The following RBFOX1 variants were observed in gnomAD, a reference collection of about 807,000 sequenced individuals.
The protein encoded by RBFOX1 is RNA binding fox-1 homolog 1, also known as RNA binding protein fox-1 homolog 1.
In RBFOX1, 8 loss-of-function variants were observed where a neutral mutation model predicts 57.7. The observed-to-expected ratio is 0.14, with a 90% CI of 0.08 to 0.25. The LOEUF is 0.25. Among genes scored for constraint, RBFOX1 ranks in the 10% least tolerant of loss-of-function variants. The probability of loss-of-function intolerance (pLI) is 1.00; values close to 1 mark genes in which losing one functional copy is unlikely to be tolerated. For missense variants in RBFOX1, 611 were observed against 548.5 expected (o/e 1.11, Z -1.14); for synonymous variants, 326 against 222.4 (o/e 1.47, Z -4.15).
intron 10 of RBFOX1, among the ~76,000 whole-genome samples, chr16:7,622,941 C>T (rs7198911): frequency 0.25 from 38,639 of 151,890 alleles, 6,515 homozygotes; most frequent in African/African-American, 0.48. Context: ...GCTAGTCTTG[C>T]GTTCAAAAAT....
intron 1 of RBFOX1, among the ~76,000 whole-genome samples, chr16:6,286,848 C>T (rs543863292): frequency 6.6e-6 from 1 of 152,162 alleles, no homozygotes; most frequent in African/African-American, 2.4e-5. Flanking sequence ...TATTCCTTCT[C>T]TATCTCCCTG....
chr16:6,287,006 G>C (rs141367748), intron 1 of RBFOX1, among the ~76,000 whole-genome samples: 7 of 152,074 alleles, frequency 4.6e-5, no homozygotes, highest in African/African-American at 1.7e-4. Flanking sequence ...TTTTAGGTGA[G>C]TCTGAAACTC....
intron 3 of RBFOX1, among the ~76,000 whole-genome samples, chr16:5,705,870 A>G (rs1327577486): frequency 6.6e-6 from 1 of 152,190 alleles, no homozygotes; most frequent in African/African-American, 2.4e-5. Context: ...TAGGTGCCTG[A>G]TAGATGTTTC....
intron 4 of RBFOX1, among the ~76,000 whole-genome samples, chr16:7,377,010 T>A (rs1386946790): frequency 6.6e-6 from 1 of 152,202 alleles, no homozygotes; most frequent in East Asian, 1.9e-4. Flanking sequence ...AAGCAGTGAT[T>A]TCCATAGGTC....
chr16:5,328,832 G>A (rs1009479012), intron 1 of RBFOX1, among the ~76,000 whole-genome samples: 23 of 152,210 alleles, frequency 1.5e-4, no homozygotes, highest in African/African-American at 5.1e-4. Context: ...TTCACAAAGA[G>A]AAGGGAGAAC....
intron 4 of RBFOX1, among the ~76,000 whole-genome samples, chr16:7,219,048 C>A (rs79531923): frequency 1.3e-5 from 2 of 152,122 alleles, no homozygotes. Context: ...AGACAAAGCA[C>A]GCCTTTGTAA....
chr16:6,184,533 A>C (rs1485623284), intron 1 of RBFOX1, among the ~76,000 whole-genome samples: 3 of 151,936 alleles, frequency 2.0e-5, no homozygotes, highest in Non-Finnish European at 2.9e-5. Flanking sequence ...AAAGAGAGAG[A>C]GGGGTCAGTG....
intron 3 of RBFOX1, among the ~76,000 whole-genome samples, chr16:6,931,889 G>T (rs2076620882): frequency 6.6e-6 from 1 of 152,120 alleles, no homozygotes; most frequent in Admixed American, 6.5e-5. Context: ...GCATCACATG[G>T]CAAGAGCGCA....
chr16:5,813,347 C>A (rs906245850), intron 3 of RBFOX1, among the ~76,000 whole-genome samples: 1 of 152,150 alleles, frequency 6.6e-6, no homozygotes, highest in Non-Finnish European at 1.5e-5. Context: ...GGTTCCAGAA[C>A]TTTTTCGTCA....
chr16:5,623,169 G>A (rs1246253517), intron 3 of RBFOX1, among the ~76,000 whole-genome samples: 1 of 152,198 alleles, frequency 6.6e-6, no homozygotes, highest in Non-Finnish European at 1.5e-5. Context: ...CACCAGTGAA[G>A]TGAGCAGTCT....
At chr16:6,638,638 A>G (rs2098463275) in intron 2 of RBFOX1, among the ~76,000 whole-genome samples, 1 of 152,166 alleles carries the variant, frequency 6.6e-6, no homozygotes, top group Non-Finnish European at 1.5e-5. Flanking sequence ...TTTTACACTA[A>G]TTTATATAAT....
At position 6,955,874 on chromosome 16, in the gene RBFOX1, T is replaced by G. The variant is rs539565756; in HGVS notation, c.-15-96183T>G. On this transcript the variant is annotated intron_variant, in intron 3 of 15. Coordinates refer to ENST00000550418, the MANE Select transcript of RBFOX1 (RefSeq NM_018723.4). ...ATGCATGCCACCATGCTCAGCTAAA[T>G]TTTGTAATTTTAGTAGAGATGGGGT... is the stretch of plus-strand genomic sequence containing the variant. Among the ~76,000 whole-genome samples the G allele has an allele frequency of 2.6e-5, 4 of 152,066 alleles. No individual in the cohort carries two copies. The East Asian group carries it at 7.8e-4, about 30-fold the overall frequency.
intron 1 of RBFOX1, among the ~76,000 whole-genome samples, chr16:6,034,342 AAAAAAAAAAAAAAAAG>A: frequency 6.7e-6 from 1 of 149,338 alleles, no homozygotes; most frequent in East Asian, 2.0e-4. Flanking sequence ...AAAAAAAAAA[AAAAAAAAAAAAAAAAG>A]AAAAGAAAAG....
intron 1 of RBFOX1, among the ~76,000 whole-genome samples, chr16:6,071,738 G>A (rs917182014): frequency 2.0e-5 from 3 of 152,098 alleles, no homozygotes; most frequent in African/African-American, 7.2e-5. Context: ...AACAACCACC[G>A]ATTGTCCCCT....
At chr16:6,910,187 C>A (rs1284177918) in intron 3 of RBFOX1, among the ~76,000 whole-genome samples, 1 of 151,936 alleles carries the variant, frequency 6.6e-6, no homozygotes, top group Non-Finnish European at 1.5e-5. Context: ...CAGACTCAAG[C>A]AGAAAATGGG....
At chr16:5,758,038 A>T (rs1189288274) in intron 3 of RBFOX1, among the ~76,000 whole-genome samples, 1 of 152,134 alleles carries the variant, frequency 6.6e-6, no homozygotes, top group Non-Finnish European at 1.5e-5. Flanking sequence ...ACTTGCAGCA[A>T]CCTGGGGTTG....
At chr16:6,988,575 T>G (rs2090795639) in intron 3 of RBFOX1, among the ~76,000 whole-genome samples, 1 of 151,446 alleles carries the variant, frequency 6.6e-6, no homozygotes, top group South Asian at 2.1e-4. Flanking sequence ...TTAATTTTAT[T>G]TTATTTTATT....
chr16:7,228,519 G>A (rs2093293189), intron 4 of RBFOX1, among the ~76,000 whole-genome samples: 1 of 152,136 alleles, frequency 6.6e-6, no homozygotes, highest in African/African-American at 2.4e-5. Context: ...ATGGTTAATA[G>A]CAATGAAATT....
chr16:5,434,317 C>CTTTTTTTTTTTTTTTTTTTTTT (rs5815245), intron 1 of RBFOX1, among the ~76,000 whole-genome samples: 1 of 79,734 alleles, frequency 1.3e-5, no homozygotes, highest in African/African-American at 5.1e-5. Flanking sequence ...TGCTGAAGTC[C>CTTTTTTTTTTTTTTTTTTTTTT]TTTTTTTTTT....
Sources: allele counts gnomAD v4.1 joint callset (sites outside exome capture counted in the v4.1 genomes callset), GRCh38; gene constraint gnomAD v4.1.1; transcripts MANE v1.5; gene names NCBI Gene and HGNC (gene_info 2026-07-23, HGNC 2026-07-21).